Variants in USP49 observed in about 807,000 individuals in gnomAD.
The protein encoded by USP49 is ubiquitin specific peptidase 49, also known as ubiquitin carboxyl-terminal hydrolase 49.
USP49 carries 24 observed loss-of-function variants against 58.6 expected under a neutral mutation model. The observed-to-expected ratio is 0.41, with a 90% confidence interval of 0.30 to 0.58. The LOEUF is 0.58. Ranked by LOEUF, USP49 falls within the 20% of genes least tolerant of loss-of-function variation. The pLI is 0.30. For missense variants in USP49, 703 were observed against 866.1 expected (o/e 0.81, Z 2.36); for synonymous variants, 408 against 365.1 (o/e 1.12, Z -1.34).
chr6:41,812,837 C>G (rs1005568555), intron 3 of USP49, among the ~76,000 whole-genome samples: 3 of 152,130 alleles, frequency 2.0e-5, no homozygotes, highest in Non-Finnish European at 2.9e-5. Context: ...GATATATTCT[C>G]TATATATCAA....
intron 3 of USP49, among the ~76,000 whole-genome samples, chr6:41,859,830 A>G (rs1307798968): frequency 1.3e-5 from 2 of 152,232 alleles, no homozygotes; most frequent in Non-Finnish European, 2.9e-5. Flanking sequence ...GAAAGGGTGC[A>G]GGAAGACCCA....
At chr6:41,854,002 A>AAAAC (rs1554146806) in intron 3 of USP49, among the ~76,000 whole-genome samples, 1 of 137,194 alleles carries the variant, frequency 7.3e-6, no homozygotes, top group Non-Finnish European at 1.6e-5. Flanking sequence ...TCTGTCTCGA[A>AAAAC]AAAAAAAAAA....
intron 5 of USP49, among the ~76,000 whole-genome samples, chr6:41,801,201 GTTATA>G (rs1343129523): frequency 1.3e-5 from 2 of 152,352 alleles, no homozygotes; most frequent in East Asian, 3.9e-4. Flanking sequence ...TGACTGTTTT[GTTATA>G]TTAAATTGGT....
intron 3 of USP49, among the ~76,000 whole-genome samples, chr6:41,827,105 C>T (rs1471655280): frequency 6.6e-6 from 1 of 152,182 alleles, no homozygotes; most frequent in Non-Finnish European, 1.5e-5. Flanking sequence ...AACTCAAATA[C>T]TAGTTGGCTT....
At chr6:41,881,133 C>G (rs1774596854) in intron 2 of USP49, among the ~76,000 whole-genome samples, 1 of 151,332 alleles carries the variant, frequency 6.6e-6, no homozygotes, top group Non-Finnish European at 1.5e-5. Flanking sequence ...GGGGTTTCAC[C>G]ATGTTGGCCA....
chr6:41,824,565 G>T (rs1346774036), intron 3 of USP49, among the ~76,000 whole-genome samples: 1 of 152,058 alleles, frequency 6.6e-6, no homozygotes, highest in East Asian at 1.9e-4. Flanking sequence ...TACAAAATTA[G>T]CGTGGTGGTA....
chr6:41,802,180 GGTTTTT>G (rs1369142942), intron 5 of USP49, among the ~76,000 whole-genome samples: 10 of 151,532 alleles, frequency 6.6e-5, no homozygotes, highest in Middle Eastern at 3.4e-3. Context: ...ATAACTTTGT[GGTTTTT>G]GTTTTTGTTT....
chr6:41,871,401 T>C (rs1489170890), intron 3 of USP49, among the ~76,000 whole-genome samples, 163 bp downstream of exon 3: 1 of 152,168 alleles, frequency 6.6e-6, no homozygotes, highest in East Asian at 1.9e-4. Context: ...ACTAAAAAAT[T>C]CACAAGGTTA....
rs1163682238 is a variant in USP49, at chr6:41,817,453, CTTTCTT to C, written c.-28-10448_-28-10443del. Among the ~76,000 whole-genome samples, 55 of 111,760 alleles carry C rather than the reference CTTTCTT, an allele frequency of 4.9e-4. No individual in the cohort carries two copies. In the East Asian group the frequency reaches 5.8e-3, roughly 12 times the overall value. 73.3% of individuals were successfully genotyped at this position (111,760 alleles called of 152,430 possible). On this transcript the variant is annotated intron_variant, in intron 3 of 7. Coordinates refer to ENST00000682992, the MANE Select transcript of USP49 (RefSeq NM_001286554.2). The stretch of plus-strand genomic sequence containing the variant: ...GAGCCACCACGCTCGGCCTTTCTTT[CTTTCTT>C]TTTTTTTTTTTTTTTTTTGAGATGG...
intron 2 of USP49, among the ~76,000 whole-genome samples, chr6:41,880,244 G>A (rs923306324): frequency 2.0e-5 from 3 of 151,976 alleles, no homozygotes; most frequent in Non-Finnish European, 2.9e-5. Flanking sequence ...GTAGAATAAA[G>A]AGACAAAAAG....
At chr6:41,886,390 T>A (rs1401634141) in intron 2 of USP49, 1 of 152,246 alleles carries the variant, frequency 6.6e-6, no homozygotes, top group African/African-American at 2.4e-5. Flanking sequence ...TAGATGTCTA[T>A]GATCATTAAG....
Position 41,798,891 on chromosome 6 carries a change from T to C in USP49, c.1709A>G (p.His570Arg). Residue 570 changes from histidine to arginine, a missense_variant, in exon 7 of 8, where the codon CAT becomes CGT. His to Arg is a conservative substitution (Grantham distance 29, BLOSUM62 0). Around this residue, in one of 6 missense-constraint regions of USP49, gnomAD observed 158 missense variants for 241.2 expected, o/e 0.66. Transcript: ENST00000682992. ...GRNHREKIGV[H>R]VVFDQVLTME... ...GGTTAATACCTGGTCAAAGACGACATGGACCCCAATCTTCTCTCGATGATT... is the reference window on the plus strand; with the variant it reads ...GGTTAATACCTGGTCAAAGACGACACGGACCCCAATCTTCTCTCGATGATT... 1 of 1,613,912 alleles carries C rather than the reference T, an allele frequency of 6.2e-7. No individual in the cohort carries two copies. Among genetic ancestry groups the C allele is most frequent in the South Asian group, 1.1e-5 (1 of 91,064 alleles).
In USP49 at chr6:41,796,972, CAG is replaced by C. The variant is rs542932534; in HGVS notation, c.1877-251_1877-250del. Among the ~76,000 whole-genome samples the C allele has an allele frequency of 5.0e-4, 59 of 118,282 alleles. No individual in the cohort carries two copies. In the South Asian group the frequency reaches 0.013, roughly 26 times the overall value. 77.6% of individuals were successfully genotyped at this position (118,282 alleles called of 152,430 possible). A position where few individuals can be genotyped will look rare whatever the true frequency, so the allele number is the denominator to read the frequency against. Reference sequence around the variant, plus strand: ...TTTTTTTTTTTTTTTTTTTTTGAGACAGAGTCTCGCTCTGTCACCCAGGCTGG... The same window carrying C: ...TTTTTTTTTTTTTTTTTTTTTGAGACAGTCTCGCTCTGTCACCCAGGCTGG... On this transcript the variant is annotated intron_variant, in intron 7 of 7. Coordinates refer to ENST00000682992, the MANE Select transcript of USP49 (RefSeq NM_001286554.2).
intron 2 of USP49, among the ~76,000 whole-genome samples, chr6:41,874,994 A>G (rs991660878): frequency 2.0e-5 from 3 of 151,714 alleles, no homozygotes; most frequent in Non-Finnish European, 2.9e-5. Context: ...GAAAGAAAGA[A>G]AGAGAGAGAG....
chr6:41,809,668 T>A (rs1285388778), intron 3 of USP49, among the ~76,000 whole-genome samples: 1 of 131,206 alleles, frequency 7.6e-6, no homozygotes, highest in East Asian at 2.3e-4. Flanking sequence ...CTACTAAAAA[T>A]ACAAAAAATT....
intron 5 of USP49, among the ~76,000 whole-genome samples, chr6:41,801,555 C>G (rs1048019271): frequency 1.3e-5 from 2 of 152,184 alleles, no homozygotes; most frequent in Non-Finnish European, 2.9e-5. Flanking sequence ...TCCTATTCAC[C>G]ATTTTTTTGA....
intron 3 of USP49, among the ~76,000 whole-genome samples, chr6:41,842,159 A>C (rs1773838862): frequency 6.6e-6 from 1 of 152,024 alleles, no homozygotes; most frequent in Non-Finnish European, 1.5e-5. Flanking sequence ...TGCCTTAAAA[A>C]ACTAGCAAAA....
At chr6:41,826,447 A>G (rs1043552650) in intron 3 of USP49, among the ~76,000 whole-genome samples, 1 of 152,222 alleles carries the variant, frequency 6.6e-6, no homozygotes, top group Non-Finnish European at 1.5e-5. Flanking sequence ...AGAAGCCAAC[A>G]TATATAAGTC....
At chr6:41,870,656 C>A (rs1287834030) in intron 3 of USP49, among the ~76,000 whole-genome samples, 1 of 149,886 alleles carries the variant, frequency 6.7e-6, no homozygotes, top group Non-Finnish European at 1.5e-5. Flanking sequence ...GTCACCTTAG[C>A]CTCCCGAGTA....
Sources: allele counts gnomAD v4.1 joint callset (sites outside exome capture counted in the v4.1 genomes callset), GRCh38; gene constraint gnomAD v4.1.1; regional missense constraint gnomAD v4.1.1; transcripts MANE v1.5; gene names NCBI Gene and HGNC (gene_info 2026-07-23, HGNC 2026-07-21).